The following ZNF695 variants were observed in gnomAD, a reference collection of about 807,000 sequenced individuals.
ZNF695 encodes the protein zinc finger protein 695, also known as zinc finger protein SBZF3.
ZNF695 carries 11 observed loss-of-function variants against 11.2 expected under a neutral mutation model. The ratio of observed to expected loss-of-function variants is 0.98; its 90% CI spans 0.62 to 1.62. The LOEUF (loss-of-function observed/expected upper bound fraction) is 1.62, where lower values mean the gene tolerates loss of function less well. Ranked by LOEUF, ZNF695 falls within the 40% of genes most tolerant of loss-of-function variation. The probability of loss-of-function intolerance (pLI) is 0.00; values close to 1 mark genes in which losing one functional copy is unlikely to be tolerated. For synonymous variants in ZNF695, 190 were observed against 201.4 expected (o/e 0.94, Z 0.48); for missense variants, 559 against 590.5 (o/e 0.95, Z 0.55).
chr1:247,006,394 C>T (rs573782336), intron 1 of ZNF695, among the ~76,000 whole-genome samples: 2 of 152,030 alleles, frequency 1.3e-5, no homozygotes, highest in East Asian at 1.9e-4. Flanking sequence ...GGGCGGATCA[C>T]GAGGTCAGGA....
chr1:246,984,381 G>C (rs1441196410), downstream of ZNF695, among the ~76,000 whole-genome samples: 1 of 151,666 alleles, frequency 6.6e-6, no homozygotes, highest in Non-Finnish European at 1.5e-5. Context: ...GGAAATAAAA[G>C]CAGAATTCCT....
rs2642992 is a variant in ZNF695 at position 246,988,255 on chromosome 1, A to G, written c.260T>C (p.Val87Ala). The G allele has an allele frequency of 0.64, 979,479 of 1,535,190 alleles. 319,454 individuals are homozygous for G. The highest frequency in any genetic ancestry group is 0.97 in the East Asian group (42,857 of 44,016). ...GTCTTCAGTAAGATAAGAAGACAAA[A>G]CTGGAAAAAATAAAAACAACAAATT... ...VNTEKTARHS[V>A]LSSYLTEDIL... Residue 87 changes from valine (V) to alanine (A), a missense_variant and splice_region_variant, in exon 4 of 4, where the codon GTT (valine) becomes GCT (alanine). Coordinates refer to ENST00000339986, the MANE Select transcript of ZNF695 (RefSeq NM_020394.5).
At chr1:246,988,490 G>C (rs138648119) in intron 3 of ZNF695, among the ~76,000 whole-genome samples, 2 of 152,230 alleles carry the variant, frequency 1.3e-5, no homozygotes, top group East Asian at 3.9e-4. Flanking sequence ...GCTCCAGTAC[G>C]CCTCACTGCA....
intron 5 of ZNF695, among the ~76,000 whole-genome samples, chr1:246,953,324 G>A (rs1667911060): frequency 6.6e-6 from 1 of 152,026 alleles, no homozygotes; most frequent in Non-Finnish European, 1.5e-5. Context: ...AATAACCTCA[G>A]TAATAAAAAC....
chr1:246,945,963 C>A, intron 5 of ZNF695: 1 of 1,130,696 alleles, frequency 8.8e-7, no homozygotes. Context: ...CTTGCCATTT[C>A]AAATTCACGC....
intron 5 of ZNF695, chr1:246,966,772 A>C: frequency 2.2e-6 from 1 of 456,546 alleles, no homozygotes; most frequent in Non-Finnish European, 4.4e-6. Flanking sequence ...GCAAAGAGCA[A>C]GACCCTATTT....
chr1:246,984,326 G>C (rs1252553366), downstream of ZNF695, among the ~76,000 whole-genome samples: 14 of 148,682 alleles, frequency 9.4e-5, no homozygotes, highest in Non-Finnish European at 1.9e-4. Context: ...TGCATAAGTA[G>C]TTGAGAAGAA....
rs1389244192 is a variant in ZNF695 at position 246,987,035 on chromosome 1, A to G, written c.1480T>C (p.Cys494Arg). The change falls in exon 4 of 4, where the codon TGT becomes CGT. Residue 494 changes from cysteine to arginine, a missense_variant. Transcript: ENST00000339986. ...TTAAAGGCTTTGCCACATTCCTCACACTTGTATGGTTTCTCTCTGGTATGA... is the reference window on the plus strand; with the variant it reads ...TTAAAGGCTTTGCCACATTCCTCACGCTTGTATGGTTTCTCTCTGGTATGA... ...TIHTREKPYK[C>R]EECGKAFNHS... 6 of 1,613,488 alleles carry G rather than the reference A, an allele frequency of 3.7e-6. No individual in the cohort carries two copies. The highest frequency in any genetic ancestry group is 1.3e-5 in the African/African-American group (1 of 75,000).
chr1:246,963,703 T>A (rs1668219451), intron 5 of ZNF695, among the ~76,000 whole-genome samples: 1 of 152,204 alleles, frequency 6.6e-6, no homozygotes, highest in South Asian at 2.1e-4. Context: ...TGTCAGAGAA[T>A]ACTTCCTCTC....
intron 5 of ZNF695, among the ~76,000 whole-genome samples, chr1:246,958,342 G>A (rs923198982): frequency 6.6e-5 from 10 of 152,290 alleles, no homozygotes; most frequent in African/African-American, 2.2e-4. Flanking sequence ...ACAGGCGTGA[G>A]CCACTGCACC....
At chr1:246,963,346 G>C (rs1668209503) in intron 5 of ZNF695, among the ~76,000 whole-genome samples, 2 of 152,194 alleles carry the variant, frequency 1.3e-5, no homozygotes, top group African/African-American at 4.8e-5. Context: ...AGTACTTTGG[G>C]AGGCTGAGGC....
intron 1 of ZNF695, among the ~76,000 whole-genome samples, chr1:247,006,224 C>CA (rs1459530224): frequency 1.8e-3 from 92 of 51,510 alleles, no homozygotes; most frequent in African/African-American, 4.8e-3. Context: ...GACTCTGTCT[C>CA]AAAAAAAAAA....
Position 246,988,089 on chromosome 1 carries a change from A to G in ZNF695, c.426T>C (p.Asn142=), listed in dbSNP as rs755472937. The G allele has an allele frequency of 1.8e-5, 29 of 1,613,320 alleles. No individual in the cohort carries two copies. Among genetic ancestry groups the G allele is most frequent in the African/African-American group, 1.3e-5 (1 of 74,906 alleles). Residue 142 remains asparagine, a synonymous_variant, in exon 4 of 4, where the codon AAT becomes AAC. Coordinates refer to ENST00000339986, the MANE Select transcript of ZNF695 (RefSeq NM_020394.5). ...GEWKGQKASY[N]GLDLCSATTH... ...TAGTTGCTGAGCATAGGTCAAGTCC[A>G]TTATAACTTGCCTTCTGCCCTTTCC... is the stretch of plus-strand genomic sequence containing the variant.
At chr1:246,982,202 G>A (rs1558313038), downstream of ZNF695, among the ~76,000 whole-genome samples, 3 of 150,978 alleles carry the variant, frequency 2.0e-5, no homozygotes, top group Admixed American at 6.6e-5. Context: ...CCTGGGAGGC[G>A]GAGGTTGCGG....
chr1:246,989,788 C>T (rs576273308), intron 3 of ZNF695, among the ~76,000 whole-genome samples: 13 of 152,220 alleles, frequency 8.5e-5, no homozygotes, highest in East Asian at 3.9e-4. Flanking sequence ...GAGGCCGAGG[C>T]GAGCAGATCG....
intron 5 of ZNF695, among the ~76,000 whole-genome samples, chr1:246,955,792 C>T (rs925236764): frequency 6.6e-6 from 1 of 152,074 alleles, no homozygotes; most frequent in East Asian, 1.9e-4. Flanking sequence ...GTCTTCTGGA[C>T]AATGTCCAGC....
intron 5 of ZNF695, among the ~76,000 whole-genome samples, chr1:246,962,805 G>T (rs1031602515): frequency 6.6e-6 from 1 of 151,518 alleles, no homozygotes; most frequent in African/African-American, 2.4e-5. Context: ...CCATTCTCCT[G>T]CCTCAGCCTC....
At chr1:246,963,602 A>C (rs571442729) in intron 5 of ZNF695, among the ~76,000 whole-genome samples, 2 of 152,222 alleles carry the variant, frequency 1.3e-5, no homozygotes, top group Non-Finnish European at 2.9e-5. Context: ...GAAGGCTGGC[A>C]GTGCCAGAGC....
intron 5 of ZNF695, among the ~76,000 whole-genome samples, chr1:246,955,360 A>G (rs1338183800): frequency 6.6e-6 from 1 of 152,206 alleles, no homozygotes; most frequent in Non-Finnish European, 1.5e-5. Flanking sequence ...TTGTGATAGA[A>G]ATTTTTCAGC....
Sources: gnomAD v4.1 joint callset for allele counts (sites outside exome capture counted in the v4.1 genomes callset) on GRCh38, gnomAD v4.1.1 for gene constraint, MANE v1.5 for transcripts, NCBI Gene and HGNC (gene_info 2026-07-23, HGNC 2026-07-21) for gene names.